Variants in NPC1 observed in about 807,000 individuals in gnomAD.
NPC1 encodes NPC intracellular cholesterol transporter 1, also known as Niemann-Pick C1 protein.
A neutral mutation model predicts 140.4 loss-of-function variants in NPC1; 85 were observed. The ratio of observed to expected loss-of-function variants is 0.61; its 90% CI spans 0.51 to 0.72. The LOEUF is 0.72. NPC1 is among the 30% of genes least tolerant of loss of function. NPC1 has a pLI of 0.00. For missense variants in NPC1, 1,504 were observed against 1,623.8 expected, an observed-to-expected ratio of 0.93 and a Z score of 1.27; for synonymous variants, 656 against 624.8, an observed-to-expected ratio of 1.05 and a Z score of -0.74.
At chr18:23,571,176 C>G (rs977859629) in intron 3 of NPC1, among the ~76,000 whole-genome samples, 6 of 151,714 alleles carry the variant, frequency 4.0e-5, no homozygotes, top group Non-Finnish European at 8.8e-5. Flanking sequence ...TTGTTTTTCT[C>G]TTTATTTCTG....
chr18:23,544,059 C>T (rs1481073086), intron 13 of NPC1, among the ~76,000 whole-genome samples: 1 of 152,158 alleles, frequency 6.6e-6, no homozygotes, highest in African/African-American at 2.4e-5. Flanking sequence ...CCTTCTTGTA[C>T]ACATGATACT....
At chr18:23,526,838 G>A (rs2058311819), downstream of NPC1, 1 of 1,558,692 alleles carries the variant, frequency 6.4e-7, no homozygotes, top group African/African-American at 1.4e-5. Flanking sequence ...TTATCGGGAT[G>A]TGGGCTACAT....
At chr18:23,516,203 C>A in intron 3 of NPC1, 1 of 1,359,506 alleles carries the variant, frequency 7.4e-7, no homozygotes, top group East Asian at 2.3e-5. Flanking sequence ...ACATGGGGGA[C>A]GGTGGAAAGG....
At chr18:23,519,391 GC>G (rs1178617162), downstream of NPC1, among the ~76,000 whole-genome samples, 2 of 152,064 alleles carry the variant, frequency 1.3e-5, no homozygotes, top group African/African-American at 4.8e-5. Flanking sequence ...GGTAGTGCAC[GC>G]CTATAGTCCC....
intron 9 of NPC1, among the ~76,000 whole-genome samples, chr18:23,554,279 T>C (rs1235090967): frequency 6.6e-6 from 1 of 152,146 alleles, no homozygotes; most frequent in African/African-American, 2.4e-5. Context: ...ATAGCACATG[T>C]TATGTGTTCA....
chr18:23,529,198 G>A (rs1652374), downstream of NPC1: 51 of 1,613,576 alleles, frequency 3.2e-5, no homozygotes, highest in African/African-American at 5.5e-4. Flanking sequence ...GCAGGGCAGA[G>A]CCGAAGCAGC....
intron 3 of NPC1, among the ~76,000 whole-genome samples, chr18:23,517,040 T>A (rs1300601869): frequency 6.6e-6 from 1 of 152,124 alleles, no homozygotes; most frequent in East Asian, 1.9e-4. Context: ...TTATTTTTTT[T>A]AAAAGCTCAG....
At chr18:23,563,698 C>G (rs1186343769) in intron 4 of NPC1, among the ~76,000 whole-genome samples, 1 of 152,174 alleles carries the variant, frequency 6.6e-6, no homozygotes, top group African/African-American at 2.4e-5. Flanking sequence ...TAGGCATGAG[C>G]CACTGTGCCC....
chr18:23,530,044 T>C (rs1231009441), downstream of NPC1: 1 of 1,614,084 alleles, frequency 6.2e-7, no homozygotes, highest in Non-Finnish European at 8.5e-7. Context: ...CTACATGAAC[T>C]TGTTATCAAA....
In NPC1 at chr18:23,531,662, G is replaced by C; in HGVS notation, c.*540C>G. On this transcript the variant is annotated 3_prime_UTR_variant, in exon 25 of 25. Coordinates refer to ENST00000269228, the MANE Select transcript of NPC1 (RefSeq NM_000271.5). ...AAGAACATGTTGCTTTTTTCAAACA[G>C]ATTTTTGGAGACCAAGCTCTAATGA... 3 of 1,613,060 alleles carry C rather than the reference G, an allele frequency of 1.9e-6. No homozygotes were observed. Among genetic ancestry groups the C allele is most frequent in the Non-Finnish European group, 2.5e-6 (3 of 1,179,786 alleles).
At chr18:23,517,626 T>C (rs934487728), downstream of NPC1, among the ~76,000 whole-genome samples, 1 of 152,218 alleles carries the variant, frequency 6.6e-6, no homozygotes, top group Non-Finnish European at 1.5e-5. Context: ...CCTAAAACAG[T>C]GGCCCAAACT....
downstream of NPC1, among the ~76,000 whole-genome samples, chr18:23,519,694 G>C (rs1031241513): frequency 2.6e-5 from 4 of 152,320 alleles, no homozygotes; most frequent in African/African-American, 9.6e-5. Context: ...TAACGCTTGA[G>C]ATTTGACCTT....
intron 1 of NPC1, 119 bp from the exon 2 acceptor site, chr18:23,573,693 C>T: frequency 8.8e-7 from 1 of 1,135,176 alleles, no homozygotes; most frequent in Non-Finnish European, 1.3e-6. Context: ...AATTAAGTAA[C>T]AGCAACAGGC....
chr18:23,575,796 A>AG (rs1317847559), intron 1 of NPC1, among the ~76,000 whole-genome samples: 3 of 146,044 alleles, frequency 2.1e-5, no homozygotes, highest in African/African-American at 7.9e-5. Flanking sequence ...AAAAAAAAAA[A>AG]GTCATCCTGG....
At chr18:23,562,494 T>A (rs2059058025) in intron 4 of NPC1, among the ~76,000 whole-genome samples, 1 of 151,990 alleles carries the variant, frequency 6.6e-6, no homozygotes, top group African/African-American at 2.4e-5. Flanking sequence ...CTTTCCCTAA[T>A]CTTCAAGGAG....
At chr18:23,530,973 T>C (rs1315063724), downstream of NPC1, among the ~76,000 whole-genome samples, 1 of 152,144 alleles carries the variant, frequency 6.6e-6, no homozygotes, top group African/African-American at 2.4e-5. Context: ...GTTTCAGTTT[T>C]ATGAAGTATA....
chr18:23,552,676 C>T (rs531617368), intron 9 of NPC1, among the ~76,000 whole-genome samples: 73 of 152,300 alleles, frequency 4.8e-4, no homozygotes, highest in African/African-American at 1.7e-3. Flanking sequence ...CCAGCATTTT[C>T]GGACAGACCA....
Position 23,544,404 on chromosome 18 carries a change from G to C in NPC1, c.2070C>G (p.Ile690Met), listed in dbSNP as rs756693887. 1.2e-6 allele frequency: 2 copies of C among 1,614,186 alleles called. No homozygotes were observed. The highest frequency in any genetic ancestry group is 3.3e-5 in the Admixed American group (2 of 60,024). ...CTCCAACAGCCAGCACCAGGAACGG[G>C]ATGACTTCAATCACAATGAGGGTCA... ...LPLTLIVIEV[I>M]PFLVLAVGVD... Residue 690 changes from isoleucine to methionine, a missense_variant, in exon 13 of 25, where the codon ATC becomes ATG. Coordinates refer to ENST00000269228, the MANE Select transcript of NPC1 (RefSeq NM_000271.5).
downstream of NPC1, among the ~76,000 whole-genome samples, chr18:23,525,101 C>G (rs911580376): frequency 1.8e-4 from 27 of 151,766 alleles, no homozygotes; most frequent in African/African-American, 6.0e-4. Flanking sequence ...CATGTGCCAC[C>G]ACGCCCAGCT....
Sources: gnomAD v4.1 joint callset for allele counts (sites outside exome capture counted in the v4.1 genomes callset) on GRCh38, gnomAD v4.1.1 for gene constraint, MANE v1.5 for transcripts, NCBI Gene and HGNC (gene_info 2026-07-23, HGNC 2026-07-21) for gene names.